The following ADGRL2 variants were observed in gnomAD, a reference collection of about 807,000 sequenced individuals.
ADGRL2 encodes calcium-independent alpha-latrotoxin receptor 2.
In ADGRL2, 44 loss-of-function variants were observed where a neutral mutation model predicts 157.4. The observed-to-expected ratio is 0.28, with a 90% CI of 0.22 to 0.36. ADGRL2 has a LOEUF of 0.36. Ranked by LOEUF, ADGRL2 falls within the 10% of genes least tolerant of loss-of-function variation. The pLI, the probability that ADGRL2 is intolerant of heterozygous loss-of-function variation, is 1.00. For missense variants in ADGRL2, 1,510 were observed against 1,768.9 expected, an observed-to-expected ratio of 0.85 and a Z score of 2.63; for synonymous variants, 585 against 624.7, an observed-to-expected ratio of 0.94 and a Z score of 0.95.
chr1:81,843,402 AT>A (rs1330034304), intron 2 of ADGRL2, among the ~76,000 whole-genome samples: 11 of 152,184 alleles, frequency 7.2e-5, no homozygotes, highest in African/African-American at 2.7e-4. Context: ...AAGTGCTGGG[AT>A]TACAGGCATG....
chr1:81,736,502 C>G (rs978217382), intron 1 of ADGRL2, among the ~76,000 whole-genome samples: 1 of 152,032 alleles, frequency 6.6e-6, no homozygotes, highest in African/African-American at 2.4e-5. Flanking sequence ...TTGGGTTATT[C>G]GATTATTCAG....
Position 81,557,523 on chromosome 1 carries a change from A to G in ADGRL2, c.-247-23353A>G, listed in dbSNP as rs565808510. The G allele has an allele frequency of 2.6e-5, 4 of 151,262 alleles. No homozygotes were observed. The South Asian group carries it at 8.4e-4, about 32-fold the overall frequency. 9.4% of individuals were successfully genotyped at this position (151,262 alleles called of 1,614,324 possible). On this transcript the variant is annotated intron_variant, in intron 2 of 24. Coordinates refer to the ADGRL2 transcript ENST00000370721. ...AAAGAAAGAAAGAAAGAAAGAAAGA[A>G]AGAGAAGAAAGAAAGAAAGCAAGAA...
intron 1 of ADGRL2, among the ~76,000 whole-genome samples, chr1:81,410,456 G>A (rs1404969163): frequency 5.3e-5 from 8 of 152,094 alleles, no homozygotes; most frequent in Admixed American, 2.6e-4. Flanking sequence ...CCACACATCC[G>A]TGATGCAGAT....
intron 3 of ADGRL2, among the ~76,000 whole-genome samples, chr1:81,607,045 A>C (rs2081448952): frequency 6.6e-6 from 1 of 152,174 alleles, no homozygotes; most frequent in Non-Finnish European, 1.5e-5. Context: ...TTTATTTCTT[A>C]ACTCTTTATT....
At chr1:81,614,744 G>T (rs950907646) in intron 3 of ADGRL2, among the ~76,000 whole-genome samples, 2 of 152,054 alleles carry the variant, frequency 1.3e-5, no homozygotes, top group Non-Finnish European at 2.9e-5. Context: ...CAGATATCAG[G>T]CCAGGCTCAG....
At chr1:81,460,898 C>G (rs922083036) in intron 2 of ADGRL2, among the ~76,000 whole-genome samples, 2 of 152,148 alleles carry the variant, frequency 1.3e-5, no homozygotes, top group African/African-American at 4.8e-5. Context: ...TCTTGCATGT[C>G]TCTGTCAAGT....
At chr1:81,650,242 G>A (rs564176780) in intron 3 of ADGRL2, among the ~76,000 whole-genome samples, 1 of 152,102 alleles carries the variant, frequency 6.6e-6, no homozygotes, top group Non-Finnish European at 1.5e-5. Flanking sequence ...AAACAGAGAA[G>A]GAACATGGCA....
intron 2 of ADGRL2, among the ~76,000 whole-genome samples, chr1:81,508,447 G>T (rs954159271): frequency 4.6e-5 from 7 of 152,112 alleles, no homozygotes; most frequent in African/African-American, 1.7e-4. Flanking sequence ...TTATGGGTTC[G>T]CCAGTGTGCT....
intron 1 of ADGRL2, among the ~76,000 whole-genome samples, chr1:81,813,494 G>A (rs2090080677): frequency 6.6e-6 from 1 of 151,478 alleles, no homozygotes; most frequent in Non-Finnish European, 1.5e-5. Flanking sequence ...ACTGGTATGG[G>A]CTTTTTTATA....
chr1:81,516,709 A>C (rs543359335), intron 2 of ADGRL2, among the ~76,000 whole-genome samples: 48 of 152,264 alleles, frequency 3.2e-4, no homozygotes, highest in Non-Finnish European at 6.2e-4. Flanking sequence ...TAACTAGGAA[A>C]TGCAATCATT....
intron 1 of ADGRL2, among the ~76,000 whole-genome samples, chr1:81,306,877 A>G (rs1038583000): frequency 1.1e-4 from 17 of 151,294 alleles, no homozygotes; most frequent in Admixed American, 1.1e-3. Context: ...ACCGTAACAA[A>G]TTTTTTTTTT....
chr1:81,750,663 G>A (rs1468764109), intron 1 of ADGRL2, among the ~76,000 whole-genome samples: 4 of 152,228 alleles, frequency 2.6e-5, no homozygotes, highest in African/African-American at 4.8e-5. Flanking sequence ...GTGGCAGTGA[G>A]TCAAGATGGT....
chr1:81,445,088 A>C (rs1033919213), exon 2 of ADGRL2: 11 of 152,246 alleles, frequency 7.2e-5, no homozygotes, highest in Non-Finnish European at 1.6e-4. Flanking sequence ...TAGATTCATA[A>C]GGTAAATGAT....
At chr1:81,884,126 T>C (rs984606867) in intron 2 of ADGRL2, among the ~76,000 whole-genome samples, 1 of 152,004 alleles carries the variant, frequency 6.6e-6, no homozygotes, top group South Asian at 2.1e-4. Flanking sequence ...GCCGGGACTT[T>C]AGGCATGTGC....
intron 3 of ADGRL2, among the ~76,000 whole-genome samples, chr1:81,585,130 C>A (rs1053531026): frequency 2.0e-5 from 3 of 152,172 alleles, no homozygotes; most frequent in African/African-American, 7.2e-5. Flanking sequence ...GAAGTCAAGT[C>A]TCCCACTATT....
At chr1:81,710,994 T>C (rs2083908951) in intron 1 of ADGRL2, among the ~76,000 whole-genome samples, 1 of 152,174 alleles carries the variant, frequency 6.6e-6, no homozygotes, top group Non-Finnish European at 1.5e-5. Context: ...TTTTGTAACA[T>C]CATGCATTGG....
At chr1:81,861,816 G>A (rs779755785) in intron 2 of ADGRL2, among the ~76,000 whole-genome samples, 10 of 152,044 alleles carry the variant, frequency 6.6e-5, no homozygotes, top group Non-Finnish European at 1.0e-4. Flanking sequence ...CTGGGAGGTG[G>A]TGGCTGCAGT....
chr1:81,716,791 G>T (rs1407134588), intron 1 of ADGRL2, among the ~76,000 whole-genome samples: 1 of 152,070 alleles, frequency 6.6e-6, no homozygotes, highest in African/African-American at 2.4e-5. Context: ...ATTACAGTTT[G>T]TGTGTGTGTG....
chr1:81,893,315 T>C (rs2151465520), intron 2 of ADGRL2, among the ~76,000 whole-genome samples: 1 of 151,478 alleles, frequency 6.6e-6, no homozygotes, highest in African/African-American at 2.4e-5. Flanking sequence ...TTATCAATCC[T>C]GTCTTGTATT....
Sources: allele counts gnomAD v4.1 joint callset (sites outside exome capture counted in the v4.1 genomes callset), GRCh38; gene constraint gnomAD v4.1.1; transcripts MANE v1.5; gene names NCBI Gene and HGNC (gene_info 2026-07-23, HGNC 2026-07-21).